Variants in SEPTIN9 observed in about 807,000 individuals in gnomAD.
SEPTIN9 encodes the protein septin 9, also known as septin-9.
Under a neutral mutation model 56.6 loss-of-function variants are expected in SEPTIN9, and 13 were observed. The observed-to-expected ratio is 0.23, with a 90% CI of 0.15 to 0.37. The LOEUF is 0.37. Among genes scored for constraint, SEPTIN9 ranks in the 10% least tolerant of loss-of-function variants. The pLI, the probability that SEPTIN9 is intolerant of heterozygous loss-of-function variation, is 1.00. For synonymous variants in SEPTIN9, 332 were observed against 334.1 expected, an observed-to-expected ratio of 0.99 and a Z score of 0.07; for missense variants, 650 against 823.1, an observed-to-expected ratio of 0.79 and a Z score of 2.57.
rs144240990 is a variant in SEPTIN9, at chr17:77,307,782, G to A, written c.76+585G>A. On this transcript the variant is annotated intron_variant, in intron 2 of 11. Coordinates refer to ENST00000427177, the MANE Select transcript of SEPTIN9 (RefSeq NM_001113491.2). ...ACCCATCAGAGCTCTGGGGCTGGCCGTCCAGGACACGAGTTACAGCTTATA... is the reference window on the plus strand; with the variant it reads ...ACCCATCAGAGCTCTGGGGCTGGCCATCCAGGACACGAGTTACAGCTTATA... Among the ~76,000 whole-genome samples the A allele has an allele frequency of 7.9e-3, 1,197 of 152,348 alleles. 14 individuals carry two copies. Among genetic ancestry groups the A allele is most frequent in the African/African-American group, 0.027 (1,130 of 41,576 alleles).
At chr17:77,336,554 A>T (rs2033559460) in intron 2 of SEPTIN9, among the ~76,000 whole-genome samples, 1 of 152,170 alleles carries the variant, frequency 6.6e-6, no homozygotes, top group Non-Finnish European at 1.5e-5. Context: ...ATTTTTAATT[A>T]TTTGCTGCTA....
chr17:77,375,353 A>C (rs1424576248), intron 2 of SEPTIN9: 4 of 152,026 alleles, frequency 2.6e-5, no homozygotes, highest in Non-Finnish European at 4.4e-5. Flanking sequence ...TTCCTAACAG[A>C]AAGTGTCGGG....
intron 2 of SEPTIN9, among the ~76,000 whole-genome samples, chr17:77,377,842 CCAAG>C (rs1418200508): frequency 1.1e-4 from 16 of 152,210 alleles, no homozygotes; most frequent in African/African-American, 3.9e-4. Context: ...TGCCTTTCAG[CCAAG>C]ACTCAAGGCA....
At chr17:77,411,527 A>G (rs2036299313) in intron 3 of SEPTIN9, among the ~76,000 whole-genome samples, 1 of 151,458 alleles carries the variant, frequency 6.6e-6, no homozygotes, top group Non-Finnish European at 1.5e-5. Flanking sequence ...TCAGCCTCCC[A>G]AGTAGCTGAA....
rs1007807605 is a variant in SEPTIN9 at position 77,341,955 on chromosome 17, T to C, written c.76+34758T>C. ...AAAAATAGCCGGGCGTGGTGGTGGG[T>C]GCCTGTAGTCCCAGCTACTCGGGAG... On this transcript the variant is annotated intron_variant, in intron 2 of 11. Coordinates refer to ENST00000427177, the MANE Select transcript of SEPTIN9 (RefSeq NM_001113491.2). Among the ~76,000 whole-genome samples, 9 of 150,404 alleles carry C rather than the reference T, an allele frequency of 6.0e-5. No homozygotes were observed. The South Asian group carries it at 1.5e-3, about 25-fold the overall frequency.
rs992280346 is a variant in SEPTIN9 at position 77,313,029 on chromosome 17, A to C, written c.76+5832A>C. ...AGATCATCTTCACGTTGGATCCACAAATTCATTGTTTATCCAGTGAACGGT... is the reference window on the plus strand; with the variant it reads ...AGATCATCTTCACGTTGGATCCACACATTCATTGTTTATCCAGTGAACGGT... On this transcript the variant is annotated intron_variant, in intron 2 of 11. Coordinates refer to ENST00000427177, the MANE Select transcript of SEPTIN9 (RefSeq NM_001113491.2). The surrounding 1 kb of genome is among the most constrained non-coding windows in gnomAD (Gnocchi z 4.5). 1.3e-5 allele frequency among the ~76,000 whole-genome samples: 2 copies of C among 151,986 alleles called. No individual in the cohort carries two copies. Among genetic ancestry groups the C allele is most frequent in the Non-Finnish European group, 2.9e-5 (2 of 68,000 alleles).
At chr17:77,478,218 T>A (rs187287152) in intron 3 of SEPTIN9, among the ~76,000 whole-genome samples, 27 of 152,336 alleles carry the variant, frequency 1.8e-4, no homozygotes, top group African/African-American at 5.8e-4. Context: ...TTGCCATTTA[T>A]GAAATGTGGC....
At position 77,351,965 on chromosome 17, in the gene SEPTIN9, G is replaced by A. The variant is rs558992639; in HGVS notation, c.76+44768G>A. ...GACACTTGCTGACCAGAGCCGGGGT[G>A]AGCATCTGGGTGACCCTGCAGATGA... On this transcript the variant is annotated intron_variant, in intron 2 of 11. Coordinates refer to ENST00000427177, the MANE Select transcript of SEPTIN9 (RefSeq NM_001113491.2). 1.1e-4 allele frequency among the ~76,000 whole-genome samples: 17 copies of A among 152,352 alleles called. No individual in the cohort carries two copies. The South Asian group carries it at 3.5e-3, about 32-fold the overall frequency.
intron 2 of SEPTIN9, among the ~76,000 whole-genome samples, chr17:77,359,663 A>G (rs1209354306): frequency 1.3e-5 from 2 of 152,044 alleles, no homozygotes; most frequent in African/African-American, 4.8e-5. Flanking sequence ...GTGTGGTGGC[A>G]CCTGTAGACC....
rs1421175284 is a variant in SEPTIN9, at chr17:77,425,966, G to A, written c.721+23263G>A. On this transcript the variant is annotated intron_variant, in intron 3 of 11. Coordinates refer to ENST00000427177, the MANE Select transcript of SEPTIN9 (RefSeq NM_001113491.2). The surrounding 1 kb of genome is among the most constrained non-coding windows in gnomAD (Gnocchi z 4.2). ...CAGAGGGGAGTGTGTGCGGCTGTGAGTTCAGGCCATGCCCTCAGACTGGAG... is the reference window on the plus strand; with the variant it reads ...CAGAGGGGAGTGTGTGCGGCTGTGAATTCAGGCCATGCCCTCAGACTGGAG... Among the ~76,000 whole-genome samples the A allele has an allele frequency of 6.6e-6, 1 of 152,192 alleles. No individual in the cohort carries two copies. Among genetic ancestry groups the A allele is most frequent in the African/African-American group, 2.4e-5 (1 of 41,446 alleles).
chr17:77,311,924 C>T (rs866585588), intron 2 of SEPTIN9, among the ~76,000 whole-genome samples: 4 of 152,264 alleles, frequency 2.6e-5, no homozygotes, highest in East Asian at 1.9e-4. Flanking sequence ...CATAGCTACC[C>T]ACTCTTCCTC....
chr17:77,320,134 A>T, intron 2 of SEPTIN9: 2 of 1,491,808 alleles, frequency 1.3e-6, no homozygotes, highest in Non-Finnish European at 9.0e-7. Context: ...TGATCAGCAC[A>T]TGGAAATGTG....
chr17:77,466,414 G>A, intron 3 of SEPTIN9: 3 of 985,558 alleles, frequency 3.0e-6, no homozygotes, highest in Non-Finnish European at 3.6e-6. Flanking sequence ...GGAAGGGCCT[G>A]GGAGGGGACA....
Position 77,323,266 on chromosome 17 carries a change from C to G in SEPTIN9, c.76+16069C>G, listed in dbSNP as rs1477556944. 6.6e-6 allele frequency among the ~76,000 whole-genome samples: 1 copy of G among 151,974 alleles called. No homozygotes were observed. The highest frequency in any genetic ancestry group is 2.4e-5 in the African/African-American group (1 of 41,384). ...CATGAGTCATGGAGTGGTGACTGGC[C>G]GCTGAGGCATGGAAGGCCACTCCTT... On this transcript the variant is annotated intron_variant, in intron 2 of 11. Transcript: ENST00000427177. This position sits in a 1 kb window ranked among gnomAD's most constrained non-coding sequence, Gnocchi z 6.8.
intron 2 of SEPTIN9, among the ~76,000 whole-genome samples, chr17:77,388,795 C>A (rs1301903841): frequency 6.8e-6 from 1 of 147,632 alleles, no homozygotes; most frequent in Non-Finnish European, 1.5e-5. Flanking sequence ...GCCAAGTGGC[C>A]CCTGGTGTTA....
At position 77,492,499 on chromosome 17, in the gene SEPTIN9, C is replaced by A. The variant is rs1457613857; in HGVS notation, c.1381-122C>A. 10 of 862,010 alleles carry A rather than the reference C, an allele frequency of 1.2e-5. No individual in the cohort carries two copies. Among genetic ancestry groups the A allele is most frequent in the Non-Finnish European group, 1.8e-5 (9 of 500,428 alleles). The allele number at this position is 862,010 out of a possible 1,614,324, so 53.4% of individuals were successfully genotyped here. ...GGAGGTGATTGGTGTCACAGCCCCC[C>A]AGAGCCTGCCCTTGAACCCGAGCCT... On this transcript the variant is annotated intron_variant, in intron 8 of 11. Coordinates refer to ENST00000427177, the MANE Select transcript of SEPTIN9 (RefSeq NM_001113491.2). The surrounding 1 kb of genome is among the most constrained non-coding windows in gnomAD (Gnocchi z 5.4).
chr17:77,433,762 TG>T lies in SEPTIN9; in HGVS notation c.721+31063del, dbSNP rs936020738. ...GAACCCCCGTTCCCTGTGAGTTAGATGGGGAGTGCACCCCTGCCCTCCCCTC... is the reference window on the plus strand; with the variant it reads ...GAACCCCCGTTCCCTGTGAGTTAGATGGGAGTGCACCCCTGCCCTCCCCTC... On this transcript the variant is annotated intron_variant, in intron 3 of 11. Transcript: ENST00000427177. The surrounding 1 kb of genome is among the most constrained non-coding windows in gnomAD (Gnocchi z 6.4). 2.6e-5 allele frequency among the ~76,000 whole-genome samples: 4 copies of T among 152,028 alleles called. No individual in the cohort carries two copies. The highest frequency in any genetic ancestry group is 9.7e-5 in the African/African-American group (4 of 41,394).
At chr17:77,297,197 G>T (rs147944528) in intron 1 of SEPTIN9, among the ~76,000 whole-genome samples, 28 of 152,132 alleles carry the variant, frequency 1.8e-4, no homozygotes, top group African/African-American at 6.5e-4. Context: ...AAGTCTGCAG[G>T]CCTCAGGACT....
chr17:77,345,752 G>T (rs758832017), intron 2 of SEPTIN9, among the ~76,000 whole-genome samples: 23 of 152,188 alleles, frequency 1.5e-4, no homozygotes, highest in Admixed American at 5.9e-4. Context: ...GCAAGGCCTG[G>T]CAGCTCCCCA....
Sources: gnomAD v4.1 joint callset for allele counts (sites outside exome capture counted in the v4.1 genomes callset) on GRCh38, gnomAD v4.1.1 for gene constraint, Gnocchi (gnomAD v3.1) non-coding constraint, MANE v1.5 for transcripts, NCBI Gene and HGNC (gene_info 2026-07-23, HGNC 2026-07-21) for gene names.